Variants in ARHGAP21 observed in about 807,000 individuals in gnomAD.
ARHGAP21 encodes rho GTPase-activating protein 21.
ARHGAP21 carries 38 observed loss-of-function variants against 164.6 expected under a neutral mutation model. The observed-to-expected ratio is 0.23, with a 90% CI of 0.18 to 0.30. The LOEUF is 0.30. ARHGAP21 is among the 10% of genes least tolerant of loss of function. The pLI is 1.00. For missense variants in ARHGAP21, 1,822 were observed against 2,370.7 expected (o/e 0.77, Z 4.81); for synonymous variants, 766 against 857.9 (o/e 0.89, Z 1.87).
chr10:24,619,838 G>A lies in ARHGAP21; in HGVS notation c.2057C>T (p.Ser686Phe). The change falls in exon 9 of 26, where the codon TCT becomes TTT. Residue 686 changes from serine to phenylalanine, a missense_variant. By Grantham distance (155) the Ser-to-Phe change is radical (BLOSUM62 -2). Around this residue, in one of 5 missense-constraint regions of ARHGAP21, gnomAD observed 1,090 missense variants for 1,378.9 expected, o/e 0.79. Transcript: ENST00000396432. ...QVETGKSPSL[S>F]GASAKPAPQS... Reference sequence around the variant, plus strand: ...AGGGGCAGGCTTGGCAGAGGCTCCAGATAAAGAGGGGGATTTCCCAGTCTC... The same window carrying A: ...AGGGGCAGGCTTGGCAGAGGCTCCAAATAAAGAGGGGGATTTCCCAGTCTC... 6.2e-7 allele frequency: 1 copy of A among 1,614,192 alleles called. No homozygotes were observed. The highest frequency in any genetic ancestry group is 8.5e-7 in the Non-Finnish European group (1 of 1,180,028).
intron 25 of ARHGAP21, among the ~76,000 whole-genome samples, chr10:24,587,593 A>G (rs1340954009): frequency 2.0e-5 from 3 of 152,170 alleles, no homozygotes; most frequent in Non-Finnish European, 4.4e-5. Context: ...GCACATTTCT[A>G]ATGGTTATTT....
intron 24 of ARHGAP21, chr10:24,590,478 G>A (rs750683874): frequency 1.3e-4 from 204 of 1,534,924 alleles, no homozygotes; most frequent in Admixed American, 5.5e-4. Context: ...CTCCCACTTC[G>A]CCTGTTCAAC....
intron 9 of ARHGAP21, among the ~76,000 whole-genome samples, chr10:24,612,138 ATT>A (rs1489413397): frequency 3.9e-5 from 6 of 152,204 alleles, no homozygotes. Flanking sequence ...ACTCAGTGAA[ATT>A]ATCAGAATTT....
At chr10:24,656,489 G>A (rs1452716287) in intron 4 of ARHGAP21, among the ~76,000 whole-genome samples, 1 of 71,136 alleles carries the variant, frequency 1.4e-5, no homozygotes, top group African/African-American at 6.4e-5. Flanking sequence ...CCCTCTGCCC[G>A]GCCAGCCGCC....
At chr10:24,610,345 C>A (rs547130041) in intron 9 of ARHGAP21, among the ~76,000 whole-genome samples, 49 of 150,314 alleles carry the variant, frequency 3.3e-4, no homozygotes, top group African/African-American at 1.1e-3. Flanking sequence ...CACTGCACTC[C>A]AGCCTGGACA....
intron 2 of ARHGAP21, among the ~76,000 whole-genome samples, chr10:24,710,548 T>C (rs1166583610): frequency 6.6e-6 from 1 of 151,916 alleles, no homozygotes. Context: ...CCATTGCCCA[T>C]GTATACCCAT....
chr10:24,716,886 G>A (rs1396114500), intron 2 of ARHGAP21, among the ~76,000 whole-genome samples: 1 of 152,214 alleles, frequency 6.6e-6, no homozygotes, highest in East Asian at 1.9e-4. Flanking sequence ...GCATACTTGG[G>A]AAGGTGGGCC....
At chr10:24,707,862 T>C (rs953731588) in intron 2 of ARHGAP21, among the ~76,000 whole-genome samples, 1 of 152,188 alleles carries the variant, frequency 6.6e-6, no homozygotes, top group Non-Finnish European at 1.5e-5. Flanking sequence ...CCAAACATCC[T>C]GTCACCCCTC....
intron 2 of ARHGAP21, among the ~76,000 whole-genome samples, chr10:24,718,208 T>C (rs1845584224): frequency 6.6e-6 from 1 of 152,044 alleles, no homozygotes; most frequent in Non-Finnish European, 1.5e-5. Flanking sequence ...CTTGGACCAA[T>C]AAATAGATGG....
At position 24,585,468 on chromosome 10, in the gene ARHGAP21, C is replaced by G. The variant is rs563608795; in HGVS notation, c.4821G>C (p.Glu1607Asp). ...CCTTGCTCTCTGCCACGGATTGCAC[C>G]TCAGGGCTCAGTCGACTGGAGTCCA... ...TSLDSSRLSP[E>D]VQSVAESKGD... The change falls in exon 26 of 26, where the codon GAG (glutamate) becomes GAC (aspartate). Residue 1607 changes from glutamate to aspartate, a missense_variant. By Grantham distance (45) the Glu-to-Asp change is conservative. Transcript: ENST00000396432. 1.7e-5 allele frequency: 27 copies of G among 1,614,098 alleles called. No individual in the cohort carries two copies. In the East Asian group the frequency reaches 5.3e-4, roughly 32 times the overall value.
intron 4 of ARHGAP21, among the ~76,000 whole-genome samples, chr10:24,640,990 A>T (rs1320091312): frequency 6.6e-6 from 1 of 152,198 alleles, no homozygotes; most frequent in Non-Finnish European, 1.5e-5. Flanking sequence ...AGAGAAGGAA[A>T]AAGAAAGGTT....
In ARHGAP21 at chr10:24,620,689, G is replaced by A. The variant is rs748785658; in HGVS notation, c.1206C>T (p.His402=). Residue 402 remains histidine (H), a synonymous_variant, in exon 9 of 26, where the codon CAC becomes CAT. Coordinates refer to ENST00000396432, the MANE Select transcript of ARHGAP21 (RefSeq NM_020824.4). ...YKEYIDNRRL[H]IGCRTIQERL... ...TTTCTTGTATTGTCCGACAACCTAT[G>A]TGCAATCGTCTGTTATCAATATACT... 2.1e-5 allele frequency: 34 copies of A among 1,613,952 alleles called. No homozygotes were observed. Among genetic ancestry groups the A allele is most frequent in the Middle Eastern group, 1.6e-4 (1 of 6,082 alleles).
At chr10:24,671,723 A>ATT (rs35051359) in intron 2 of ARHGAP21, among the ~76,000 whole-genome samples, 14 of 140,148 alleles carry the variant, frequency 1.0e-4, no homozygotes, top group African/African-American at 2.9e-4. Context: ...TCTTAACAAA[A>ATT]TTTTTTTTTT....
At chr10:24,664,652 A>G (rs1437639241) in intron 4 of ARHGAP21, among the ~76,000 whole-genome samples, 2 of 151,820 alleles carry the variant, frequency 1.3e-5, no homozygotes, top group East Asian at 3.8e-4. Context: ...AATTTAATTA[A>G]TTTTTTACCA....
At chr10:24,667,030 A>G (rs1840263796) in intron 3 of ARHGAP21, 21 bp from the exon 4 acceptor site, 9 of 1,239,748 alleles carry the variant, frequency 7.3e-6, no homozygotes, top group Non-Finnish European at 1.0e-5. Flanking sequence ...AAATATATAT[A>G]TACATATATG....
At chr10:24,719,626 A>T (rs1008664392) in intron 2 of ARHGAP21, among the ~76,000 whole-genome samples, 1 of 152,346 alleles carries the variant, frequency 6.6e-6, no homozygotes, top group East Asian at 1.9e-4. Context: ...ATCCAAACAC[A>T]TTATTGATTT....
chr10:24,652,910 A>G (rs1324491010), intron 4 of ARHGAP21, among the ~76,000 whole-genome samples: 1 of 152,220 alleles, frequency 6.6e-6, no homozygotes, highest in Non-Finnish European at 1.5e-5. Flanking sequence ...ATGCCTAGAT[A>G]TACATACCCT....
At chr10:24,615,360 C>A (rs2077433957) in intron 9 of ARHGAP21, among the ~76,000 whole-genome samples, 1 of 152,134 alleles carries the variant, frequency 6.6e-6, no homozygotes, top group Non-Finnish European at 1.5e-5. Flanking sequence ...TTAGGCTAAC[C>A]CTCACTGAGC....
chr10:24,716,108 A>G (rs950268658), intron 2 of ARHGAP21, among the ~76,000 whole-genome samples: 2 of 152,268 alleles, frequency 1.3e-5, no homozygotes, highest in African/African-American at 2.4e-5. Flanking sequence ...TTCCAAAAAC[A>G]TATTTATTGA....
Sources: gnomAD v4.1 joint callset for allele counts (sites outside exome capture counted in the v4.1 genomes callset) on GRCh38, gnomAD v4.1.1 for gene constraint, gnomAD v4.1.1 regional missense constraint, MANE v1.5 for transcripts, NCBI Gene and HGNC (gene_info 2026-07-23, HGNC 2026-07-21) for gene names.